Variants in SDCCAG8 observed in about 807,000 individuals in gnomAD.
SDCCAG8 encodes the protein serologically defined colon cancer antigen 8.
SDCCAG8 carries 74 observed loss-of-function variants against 101.8 expected under a neutral mutation model. The ratio of observed to expected loss-of-function variants is 0.73; its 90% CI spans 0.60 to 0.88. The LOEUF is 0.88. Ranked by LOEUF, SDCCAG8 falls within the 40% of genes least tolerant of loss-of-function variation. The pLI, the probability that SDCCAG8 is intolerant of heterozygous loss-of-function variation, is 0.00. For synonymous variants in SDCCAG8, 281 were observed against 292.9 expected (o/e 0.96, Z 0.41); for missense variants, 787 against 822.6 (o/e 0.96, Z 0.53).
intron 5 of SDCCAG8, among the ~76,000 whole-genome samples, chr1:243,288,039 T>C (rs1031757742): frequency 1.3e-5 from 2 of 152,258 alleles, no homozygotes; most frequent in African/African-American, 4.8e-5. Context: ...TCATGTGAGC[T>C]AAATATAATG....
intron 16 of SDCCAG8, among the ~76,000 whole-genome samples, chr1:243,455,800 C>A (rs950065647): frequency 1.6e-4 from 25 of 152,190 alleles, no homozygotes; most frequent in Admixed American, 1.3e-4. Flanking sequence ...TAGTAAGTTC[C>A]CCTTGTAATG....
chr1:243,293,336 C>T (rs1175537628), intron 6 of SDCCAG8, 117 bp downstream of exon 6: 11 of 1,068,592 alleles, frequency 1.0e-5, no homozygotes, highest in South Asian at 2.8e-5. Flanking sequence ...CATTTTTAAG[C>T]GTACAGTTTA....
intron 7 of SDCCAG8, chr1:243,306,316 T>C (rs1230387791): frequency 6.6e-6 from 1 of 152,128 alleles, no homozygotes; most frequent in Non-Finnish European, 1.5e-5. Context: ...ATTTACGACT[T>C]GATTCTTTAG....
chr1:243,308,999 T>C (rs931990458), intron 8 of SDCCAG8, among the ~76,000 whole-genome samples: 3 of 152,228 alleles, frequency 2.0e-5, no homozygotes, highest in African/African-American at 7.2e-5. Flanking sequence ...CATTTTGTCC[T>C]CAACTGACTT....
In SDCCAG8 at chr1:243,344,245, A is replaced by G; in HGVS notation, c.1387A>G (p.Lys463Glu). 1 of 1,614,030 alleles carries G rather than the reference A, an allele frequency of 6.2e-7. No homozygotes were observed. The highest frequency in any genetic ancestry group is 8.5e-7 in the Non-Finnish European group (1 of 1,179,922). ...TGGAGAAATGCGCTATCAGCTGAAT[A>G]AAACCAACATGGAGAAGGATGAGGC... ...VCGEMRYQLNKTNMEKDEAEK... is the reference protein window; with the variant it reads ...VCGEMRYQLNETNMEKDEAEK... The change falls in exon 12 of 18, where the codon AAA becomes GAA. Residue 463 changes from lysine to glutamate, a missense_variant. Lys to Glu is a moderately conservative substitution (Grantham distance 56, BLOSUM62 1). Transcript: ENST00000366541.
intron 15 of SDCCAG8, among the ~76,000 whole-genome samples, chr1:243,421,659 G>A (rs534154510): frequency 3.3e-5 from 5 of 152,284 alleles, no homozygotes; most frequent in Admixed American, 6.5e-5. Context: ...TGCCGATTCT[G>A]TGCATGTTGT....
intron 16 of SDCCAG8, among the ~76,000 whole-genome samples, chr1:243,484,111 G>C (rs1664313546): frequency 6.6e-6 from 1 of 152,198 alleles, no homozygotes; most frequent in Non-Finnish European, 1.5e-5. Flanking sequence ...CCTGACCCCA[G>C]AACGTCTCTT....
chr1:243,471,374 A>C (rs1574238488), intron 16 of SDCCAG8, among the ~76,000 whole-genome samples: 1 of 152,104 alleles, frequency 6.6e-6, no homozygotes, highest in East Asian at 1.9e-4. Context: ...TCTTCATTTA[A>C]TGTTCTTCGA....
intron 14 of SDCCAG8, 68 bp from the exon 15 acceptor site, chr1:243,417,900 G>A: frequency 9.0e-7 from 1 of 1,114,808 alleles, no homozygotes; most frequent in South Asian, 1.2e-5. Context: ...ACCACTCTAT[G>A]TATGGAAGCA....
At chr1:243,484,052 T>G (rs3006922) in intron 16 of SDCCAG8, among the ~76,000 whole-genome samples, 7 of 152,006 alleles carry the variant, frequency 4.6e-5, no homozygotes, top group Non-Finnish European at 5.9e-5. Context: ...AAGCCCCAAG[T>G]TGCATAGCTG....
intron 13 of SDCCAG8, among the ~76,000 whole-genome samples, chr1:243,387,717 T>C (rs573747925): frequency 1.8e-4 from 28 of 152,278 alleles, no homozygotes; most frequent in African/African-American, 6.7e-4. Flanking sequence ...CAGTTACTTA[T>C]TTGTTTCTTT....
At chr1:243,314,692 C>G (rs1194313794) in intron 8 of SDCCAG8, among the ~76,000 whole-genome samples, 1 of 152,158 alleles carries the variant, frequency 6.6e-6, no homozygotes, top group African/African-American at 2.4e-5. Flanking sequence ...TGTTTGCATA[C>G]TTATAAACAC....
chr1:243,342,836 A>G (rs144314325), intron 11 of SDCCAG8, among the ~76,000 whole-genome samples: 1 of 152,284 alleles, frequency 6.6e-6, no homozygotes, highest in East Asian at 1.9e-4. Context: ...TAATAACTTC[A>G]TTATTGTTCT....
Position 243,270,266 on chromosome 1 carries a change from G to A in SDCCAG8, c.220+9G>A. On this transcript the variant is annotated intron_variant, in intron 2 of 17. Transcript: ENST00000366541. The stretch of plus-strand genomic sequence containing the variant: ...ACAACAGAGCCATGCTGGTGAGTGT[G>A]AATGTCAATCCTAGTCTGAATGATG... The A allele has an allele frequency of 6.2e-7, 1 of 1,613,716 alleles. No homozygotes were observed. Among genetic ancestry groups the A allele is most frequent in the Non-Finnish European group, 8.5e-7 (1 of 1,179,742 alleles).
chr1:243,355,439 G>A (rs1163136150), intron 12 of SDCCAG8, among the ~76,000 whole-genome samples: 2 of 152,092 alleles, frequency 1.3e-5, no homozygotes, highest in Non-Finnish European at 2.9e-5. Context: ...CCATTAAAGT[G>A]CGAGGGGACG....
rs1195400373 is a variant in SDCCAG8, at chr1:243,293,079, A to G, written c.547-12A>G. 1.2e-6 allele frequency: 2 copies of G among 1,613,984 alleles called. No individual in the cohort carries two copies. Among genetic ancestry groups the G allele is most frequent in the Non-Finnish European group, 1.7e-6 (2 of 1,179,982 alleles). Reference sequence around the variant, plus strand: ...TGAATTCAGTTGCAGTTACTGGCACATTTTATTTTAGGGAAACATGCACAA... The same window carrying G: ...TGAATTCAGTTGCAGTTACTGGCACGTTTTATTTTAGGGAAACATGCACAA... On this transcript the variant is annotated splice_polypyrimidine_tract_variant and intron_variant, in intron 5 of 17. Coordinates refer to ENST00000366541, the MANE Select transcript of SDCCAG8 (RefSeq NM_006642.5).
intron 12 of SDCCAG8, among the ~76,000 whole-genome samples, chr1:243,345,196 A>G (rs1249462101): frequency 2.0e-5 from 3 of 152,172 alleles, no homozygotes; most frequent in African/African-American, 7.2e-5. Context: ...ATTTTCCAAC[A>G]TATTTTCTCT....
At chr1:243,349,155 C>G (rs1160071749) in intron 12 of SDCCAG8, among the ~76,000 whole-genome samples, 1 of 152,122 alleles carries the variant, frequency 6.6e-6, no homozygotes, top group African/African-American at 2.4e-5. Flanking sequence ...CTGCCATAAC[C>G]AGGGGGATGG....
intron 8 of SDCCAG8, among the ~76,000 whole-genome samples, chr1:243,310,771 A>G (rs755798919): frequency 1.1e-4 from 17 of 152,252 alleles, no homozygotes; most frequent in Non-Finnish European, 1.9e-4. Context: ...AACAAAAAGG[A>G]CAAGCTGCCT....
Sources: allele counts gnomAD v4.1 joint callset (sites outside exome capture counted in the v4.1 genomes callset), GRCh38; gene constraint gnomAD v4.1.1; transcripts MANE v1.5; gene names NCBI Gene and HGNC (gene_info 2026-07-23, HGNC 2026-07-21).